The following GRM1 variants were observed in gnomAD, a reference collection of about 807,000 sequenced individuals.
GRM1 encodes metabotropic glutamate receptor 1.
Under a neutral mutation model 90.9 loss-of-function variants are expected in GRM1, and 33 were observed. That is an observed-to-expected ratio of 0.36 (90% confidence interval 0.28 to 0.49). GRM1 has a LOEUF of 0.49. GRM1 is among the 20% of genes least tolerant of loss of function. GRM1 has a pLI of 0.99. For missense variants in GRM1, 1,190 were observed against 1,534.3 expected (o/e 0.78, Z 3.75); for synonymous variants, 700 against 613.2 (o/e 1.14, Z -2.09).
chr6:146,077,637 A>G lies in GRM1; in HGVS notation c.700+47420A>G, dbSNP rs117627446. 9.6e-3 allele frequency among the ~76,000 whole-genome samples: 1,464 copies of G among 152,348 alleles called. 7 individuals are homozygous for G. The highest frequency in any genetic ancestry group is 0.024 in the Middle Eastern group (7 of 294). ...ACCGACTGATTACAAATATTGGAAA[A>G]TTAATTTTTTATCTGGATAGTGAAG... On this transcript the variant is annotated intron_variant, in intron 1 of 7. Coordinates refer to ENST00000282753, the MANE Select transcript of GRM1 (RefSeq NM_001278064.2).
intron 5 of GRM1, among the ~76,000 whole-genome samples, chr6:146,384,280 A>G (rs2115135263): frequency 6.6e-6 from 1 of 152,266 alleles, no homozygotes; most frequent in Middle Eastern, 3.4e-3. Context: ...CGAGTAAGGA[A>G]CACTTAGTAG....
chr6:146,051,980 T>C (rs890629301), intron 1 of GRM1, among the ~76,000 whole-genome samples: 7 of 152,108 alleles, frequency 4.6e-5, no homozygotes. Flanking sequence ...CAGATATTTG[T>C]AATGCTGCTT....
At chr6:146,104,996 G>C (rs1468084913) in intron 1 of GRM1, among the ~76,000 whole-genome samples, 1 of 152,104 alleles carries the variant, frequency 6.6e-6, no homozygotes, top group Non-Finnish European at 1.5e-5. Context: ...GCTGTGTTCT[G>C]GTAAAGTCCT....
intron 5 of GRM1, among the ~76,000 whole-genome samples, chr6:146,365,750 T>A (rs1205668273): frequency 6.6e-6 from 1 of 152,142 alleles, no homozygotes; most frequent in African/African-American, 2.4e-5. Flanking sequence ...AGTGGCAACA[T>A]CTTAGCGGGA....
chr6:146,308,490 G>T (rs1489953187), intron 3 of GRM1, among the ~76,000 whole-genome samples: 1 of 152,148 alleles, frequency 6.6e-6, no homozygotes, highest in Non-Finnish European at 1.5e-5. Context: ...TATATATTTT[G>T]TAATTGTAAG....
At chr6:146,330,934 A>G (rs1449284032) in intron 3 of GRM1, among the ~76,000 whole-genome samples, 1 of 152,228 alleles carries the variant, frequency 6.6e-6, no homozygotes, top group Non-Finnish European at 1.5e-5. Context: ...ACATGATTCT[A>G]TAACTAACAG....
intron 1 of GRM1, among the ~76,000 whole-genome samples, chr6:146,108,076 C>T (rs1775392189): frequency 1.3e-5 from 2 of 152,316 alleles, no homozygotes; most frequent in Middle Eastern, 3.4e-3. Context: ...TTAACCTTCA[C>T]ATTGACAGTG....
At chr6:146,131,343 G>C (rs541132252) in intron 1 of GRM1, among the ~76,000 whole-genome samples, 2 of 152,126 alleles carry the variant, frequency 1.3e-5, no homozygotes, top group South Asian at 4.1e-4. Flanking sequence ...GTGTGGCAAT[G>C]TGGTAGAAAA....
chr6:146,352,351 G>A lies in GRM1; in HGVS notation c.1288G>A (p.Ala430Thr). Residue 430 changes from alanine to threonine, a missense_variant, in exon 4 of 8, where the codon GCC becomes ACC. Coordinates refer to ENST00000282753, the MANE Select transcript of GRM1 (RefSeq NM_001278064.2). The part of the protein sequence containing the change: ...MAHGLQNMHH[A>T]LCPGHVGLCD... The stretch of plus-strand genomic sequence containing the variant: ...ACATGGGCTGCAGAACATGCACCAT[G>A]CCCTCTGCCCTGGCCACGTGGGCCT... The A allele has an allele frequency of 6.2e-7, 1 of 1,614,148 alleles. No homozygotes were observed. Among genetic ancestry groups the A allele is most frequent in the Non-Finnish European group, 8.5e-7 (1 of 1,179,968 alleles).
At chr6:146,353,640 C>T (rs946156854) in intron 4 of GRM1, among the ~76,000 whole-genome samples, 2 of 152,072 alleles carry the variant, frequency 1.3e-5, no homozygotes, top group South Asian at 2.1e-4. Context: ...ATCTTCTTTT[C>T]GGTTTTTGAG....
At chr6:146,116,600 A>T (rs1256092551) in intron 1 of GRM1, among the ~76,000 whole-genome samples, 1 of 152,052 alleles carries the variant, frequency 6.6e-6, no homozygotes, top group Non-Finnish European at 1.5e-5. Flanking sequence ...ATATTTTTCC[A>T]GTTTTGTTAT....
intron 2 of GRM1, among the ~76,000 whole-genome samples, chr6:146,249,299 A>C (rs1037068282): frequency 9.2e-5 from 14 of 152,156 alleles, no homozygotes; most frequent in Non-Finnish European, 1.9e-4. Context: ...CCTTCACATC[A>C]GCCTCTCCCA....
intron 1 of GRM1, among the ~76,000 whole-genome samples, chr6:146,149,531 T>G (rs936998678): frequency 6.6e-6 from 1 of 152,198 alleles, no homozygotes; most frequent in African/African-American, 2.4e-5. Flanking sequence ...CATGATGAGT[T>G]TTTTGGATGT....
chr6:146,167,733 T>A (rs1454469926), intron 2 of GRM1, among the ~76,000 whole-genome samples: 1 of 152,144 alleles, frequency 6.6e-6, no homozygotes, highest in Non-Finnish European at 1.5e-5. Flanking sequence ...ATTTTCAGGT[T>A]GTTTATCTTC....
chr6:146,298,955 C>T (rs1250754009), intron 2 of GRM1, among the ~76,000 whole-genome samples: 2 of 152,204 alleles, frequency 1.3e-5, no homozygotes, highest in Admixed American at 6.5e-5. Context: ...ATCCTTTCTT[C>T]TGATTAACGT....
chr6:146,043,796 T>TATATATATAG (rs1554260530), intron 1 of GRM1, among the ~76,000 whole-genome samples: 6 of 137,938 alleles, frequency 4.3e-5, no homozygotes, highest in African/African-American at 1.3e-4. Context: ...TATATATATA[T>TATATATATAG]ATATATATAT....
At chr6:146,222,409 CTGTGTGTGTA>C (rs1349123290) in intron 2 of GRM1, among the ~76,000 whole-genome samples, 2 of 151,856 alleles carry the variant, frequency 1.3e-5, no homozygotes, top group Admixed American at 1.3e-4. Context: ...GTTTGTGTGT[CTGTGTGTGTA>C]TGTGTGCATG....
At chr6:146,405,797 A>G (rs1260315115) in intron 7 of GRM1, among the ~76,000 whole-genome samples, 1 of 152,182 alleles carries the variant, frequency 6.6e-6, no homozygotes, top group Non-Finnish European at 1.5e-5. Context: ...CAAAGTCTCC[A>G]TCTCCAAAAC....
intron 1 of GRM1, among the ~76,000 whole-genome samples, chr6:146,038,670 C>G (rs913316104): frequency 6.6e-6 from 1 of 151,852 alleles, no homozygotes; most frequent in African/African-American, 2.4e-5. Flanking sequence ...ATAAAAATTG[C>G]ACTCACAGCA....
Sources: allele counts gnomAD v4.1 joint callset (sites outside exome capture counted in the v4.1 genomes callset), GRCh38; gene constraint gnomAD v4.1.1; transcripts MANE v1.5; gene names NCBI Gene and HGNC (gene_info 2026-07-23, HGNC 2026-07-21).